The following DNAH5 variants were observed in gnomAD, a reference collection of about 807,000 sequenced individuals.
DNAH5 encodes the protein dynein axonemal heavy chain 5.
Under a neutral mutation model 518.2 loss-of-function variants are expected in DNAH5, and 372 were observed. That is an observed-to-expected ratio of 0.72 (90% confidence interval 0.66 to 0.78). The LOEUF (loss-of-function observed/expected upper bound fraction) is 0.78, where lower values mean the gene tolerates loss of function less well. DNAH5 is among the 30% of genes least tolerant of loss of function. The pLI, the probability that DNAH5 is intolerant of heterozygous loss-of-function variation, is 0.00. For synonymous variants in DNAH5, 2,039 were observed against 2,025.9 expected (o/e 1.01, Z -0.17); for missense variants, 5,523 against 5,687.0 (o/e 0.97, Z 0.93).
In DNAH5 at chr5:13,810,023, C is replaced by T. The variant is rs759858926; in HGVS notation, c.7609+36G>A. ...ATTGGCCATGTAGGAAAGAACGGCC[C>T]CCATGGGTTCCGTCTGGACGGGCAG... On this transcript the variant is annotated intron_variant, in intron 45 of 78. Coordinates refer to ENST00000265104, the MANE Select transcript of DNAH5 (RefSeq NM_001369.3). 3.9e-6 allele frequency: 6 copies of T among 1,543,212 alleles called. No individual in the cohort carries two copies. In the South Asian group the frequency reaches 7.2e-5, roughly 18 times the overall value.
At chr5:13,932,604 T>C (rs1387720233) in intron 1 of DNAH5, 2 of 152,214 alleles carry the variant, frequency 1.3e-5, no homozygotes, top group South Asian at 2.1e-4. Context: ...AGTTTAACTG[T>C]TATGTAAAAT....
rs550133888 is a variant in DNAH5, at chr5:13,896,855, CTT to C, written c.2260-2036_2260-2035del. 7.2e-5 allele frequency: 11 copies of C among 152,268 alleles called. No individual in the cohort carries two copies. In the South Asian group the frequency reaches 2.3e-3, roughly 32 times the overall value. 9.4% of individuals were successfully genotyped at this position (152,268 alleles called of 1,614,324 possible). A position where few individuals can be genotyped will look rare whatever the true frequency, so the allele number is the denominator to read the frequency against. ...ATAATCATTAATTATAAGAAACTAA[CTT>C]TAATGTGCCCCATAAATACAGTTGG... On this transcript the variant is annotated intron_variant, in intron 15 of 78. Coordinates refer to ENST00000265104, the MANE Select transcript of DNAH5 (RefSeq NM_001369.3).
intron 24 of DNAH5, among the ~76,000 whole-genome samples, chr5:13,868,893 G>A (rs908600845): frequency 6.6e-6 from 1 of 152,038 alleles, no homozygotes; most frequent in Non-Finnish European, 1.5e-5. Flanking sequence ...GAAAGGGAGG[G>A]GAATAACTGG....
Position 13,856,947 on chromosome 5 carries a change from G to A in DNAH5, c.4950+2505C>T, listed in dbSNP as rs529436521. Among the ~76,000 whole-genome samples, 96 of 152,274 alleles carry A rather than the reference G, an allele frequency of 6.3e-4. No individual in the cohort carries two copies. In the South Asian group the frequency reaches 0.015, roughly 24 times the overall value. ...GCTGGAAGCATTCCTTTTGAAAACC[G>A]ACACAAGACAAGGATGCCCTCTCTC... On this transcript the variant is annotated intron_variant, in intron 30 of 78. Transcript: ENST00000265104.
rs548100619 is a variant in DNAH5, at chr5:13,705,281, C to G, written c.13338+2842G>C. Among the ~76,000 whole-genome samples, 77 of 152,304 alleles carry G rather than the reference C, an allele frequency of 5.1e-4. No individual in the cohort carries two copies. The Middle Eastern group carries it at 0.01, about 20-fold the overall frequency. On this transcript the variant is annotated intron_variant, in intron 76 of 78. Transcript: ENST00000265104. The stretch of plus-strand genomic sequence containing the variant: ...AGTGCTGGATTACAGGCATGAGCCA[C>G]TGCGCCCGGCTGCAATGGACTGTAT...
intron 2 of DNAH5, 71 bp downstream of exon 2, chr5:13,931,039 C>A (rs907179551): frequency 1.2e-6 from 2 of 1,609,158 alleles, no homozygotes; most frequent in South Asian, 2.2e-5. Context: ...TGGGATCCTG[C>A]CACAGGACTG....
At chr5:13,746,303 C>T (rs1339297466) in intron 65 of DNAH5, among the ~76,000 whole-genome samples, 1 of 152,142 alleles carries the variant, frequency 6.6e-6, no homozygotes, top group Non-Finnish European at 1.5e-5. Context: ...TAATCATGTT[C>T]ACCTAGAATC....
intron 1 of DNAH5, among the ~76,000 whole-genome samples, chr5:13,939,788 G>A (rs1411451325): frequency 6.6e-6 from 1 of 152,134 alleles, no homozygotes; most frequent in African/African-American, 2.4e-5. Context: ...TGCAGAGGAA[G>A]CACGGCACCT....
intron 1 of DNAH5, among the ~76,000 whole-genome samples, chr5:13,957,612 T>C (rs1780848484): frequency 6.6e-6 from 1 of 151,806 alleles, no homozygotes; most frequent in Non-Finnish European, 1.5e-5. Context: ...GTGTGGAAGA[T>C]GGTACATTGA....
chr5:13,833,219 T>C (rs1029252492), intron 35 of DNAH5, among the ~76,000 whole-genome samples: 4 of 151,004 alleles, frequency 2.6e-5, no homozygotes, highest in Non-Finnish European at 5.9e-5. Flanking sequence ...GGCGGATGGA[T>C]CACGAGGTCA....
At chr5:13,760,918 T>C (rs148620933) in intron 60 of DNAH5, among the ~76,000 whole-genome samples, 6 of 152,278 alleles carry the variant, frequency 3.9e-5, no homozygotes, top group Admixed American at 3.9e-4. Context: ...CCCTACACAG[T>C]GAATGCGGGT....
In DNAH5 at chr5:13,753,636, A is replaced by T. The variant is rs1944574746; in HGVS notation, c.10556-87T>A. ...ATTAAAAATGAAAAAAATTAAAAAG[A>T]CAATAATTCTTTTAAACTAAATTCC... On this transcript the variant is annotated intron_variant, in intron 62 of 78. Transcript: ENST00000265104. 4 of 1,228,304 alleles carry T rather than the reference A, an allele frequency of 3.3e-6. No homozygotes were observed. In the African/African-American group the frequency reaches 6.2e-5, roughly 19 times the overall value. The allele number at this position is 1,228,304 out of a possible 1,614,324, so 76.1% of individuals were successfully genotyped here.
chr5:13,857,814 G>T (rs906137785), intron 30 of DNAH5, among the ~76,000 whole-genome samples: 2 of 152,158 alleles, frequency 1.3e-5, no homozygotes, highest in African/African-American at 4.8e-5. Context: ...GCCATATGCA[G>T]AAAACTGAAA....
At chr5:13,941,163 T>G (rs2591535) in intron 1 of DNAH5, among the ~76,000 whole-genome samples, 1 of 152,190 alleles carries the variant, frequency 6.6e-6, no homozygotes, top group Admixed American at 6.5e-5. Flanking sequence ...GATCAGTCTG[T>G]GCAGCATAGC....
At chr5:13,733,804 T>C (rs572611523) in intron 68 of DNAH5, among the ~76,000 whole-genome samples, 6 of 152,284 alleles carry the variant, frequency 3.9e-5, no homozygotes, top group African/African-American at 7.2e-5. Flanking sequence ...AGCATGTGTA[T>C]ACCTACATTC....
rs188416139 is a variant in DNAH5, at chr5:13,862,224, G to A, written c.4796+324C>T. Among the ~76,000 whole-genome samples the A allele has an allele frequency of 5.3e-5, 8 of 152,200 alleles. No individual in the cohort carries two copies. In the East Asian group the frequency reaches 1.5e-3, roughly 29 times the overall value. ...GGCTAATTATACGTTGCATTATTTTGTCCAGTGGATGGTCTCAGACATACC... is the reference window on the plus strand; with the variant it reads ...GGCTAATTATACGTTGCATTATTTTATCCAGTGGATGGTCTCAGACATACC... On this transcript the variant is annotated intron_variant, in intron 29 of 78. Transcript: ENST00000265104.
At chr5:13,950,089 C>A (rs1780262285) in intron 1 of DNAH5, among the ~76,000 whole-genome samples, 4 of 152,174 alleles carry the variant, frequency 2.6e-5, no homozygotes. Flanking sequence ...AATATGATTT[C>A]TACATGTACT....
chr5:13,720,899 G>T, intron 71 of DNAH5, 101 bp downstream of exon 71: 1 of 1,511,016 alleles, frequency 6.6e-7, no homozygotes, highest in Non-Finnish European at 9.1e-7. Context: ...CAGGCAGCAT[G>T]TAAATTTAAA....
Position 13,829,579 on chromosome 5 carries a change from A to G in DNAH5, c.6375T>C (p.Ile2125=). The G allele has an allele frequency of 6.2e-7, 1 of 1,614,228 alleles. No homozygotes were observed. Among genetic ancestry groups the G allele is most frequent in the Non-Finnish European group, 8.5e-7 (1 of 1,180,038 alleles). ...ACTTCCTGGCCAAAACAACGTTGTC[A>G]ATGAAGCCACAACTAGCCAACTTCA... The part of the protein sequence containing the change: ...IRVKLASCGF[I]DNVVLARKFF... The change falls in exon 38 of 79, where the codon ATT becomes ATC. Residue 2125 remains isoleucine, a synonymous_variant. Transcript: ENST00000265104.
Sources: gnomAD v4.1 joint callset for allele counts (sites outside exome capture counted in the v4.1 genomes callset) on GRCh38, gnomAD v4.1.1 for gene constraint, MANE v1.5 for transcripts, NCBI Gene and HGNC (gene_info 2026-07-23, HGNC 2026-07-21) for gene names.